The following ARMC3 variants were observed in gnomAD, a reference collection of about 807,000 sequenced individuals.
The protein encoded by ARMC3 is armadillo repeat-containing protein 3.
A neutral mutation model predicts 90.3 loss-of-function variants in ARMC3; 74 were observed. The ratio of observed to expected loss-of-function variants is 0.82; its 90% CI spans 0.68 to 0.99. The LOEUF is 0.99. Among genes scored for constraint, ARMC3 ranks in the 50% least tolerant of loss-of-function variants. The pLI, the probability that ARMC3 is intolerant of heterozygous loss-of-function variation, is 0.00. For synonymous variants in ARMC3, 334 were observed against 361.8 expected, an observed-to-expected ratio of 0.92 and a Z score of 0.87; for missense variants, 958 against 1,042.8, an observed-to-expected ratio of 0.92 and a Z score of 1.12.
At chr10:22,993,190 A>G (rs1836785807) in intron 10 of ARMC3, among the ~76,000 whole-genome samples, 1 of 152,226 alleles carries the variant, frequency 6.6e-6, no homozygotes, top group Non-Finnish European at 1.5e-5. Flanking sequence ...GTTGAATGTG[A>G]ACCTCAAATT....
intron 3 of ARMC3, among the ~76,000 whole-genome samples, chr10:22,950,715 C>A (rs1378658679): frequency 1.3e-5 from 2 of 151,988 alleles, no homozygotes; most frequent in Non-Finnish European, 2.9e-5. Flanking sequence ...CAAGAGTAAA[C>A]CACATGCCAC....
chr10:22,970,131 C>G (rs554755931), intron 8 of ARMC3, among the ~76,000 whole-genome samples: 39 of 152,264 alleles, frequency 2.6e-4, no homozygotes, highest in African/African-American at 8.7e-4. Flanking sequence ...GATGGAAACA[C>G]AGGATCACCC....
intron 16 of ARMC3, among the ~76,000 whole-genome samples, chr10:23,015,086 G>C (rs550204987): frequency 6.6e-6 from 1 of 152,160 alleles, no homozygotes; most frequent in Admixed American, 6.5e-5. Context: ...TTTTGAAAGG[G>C]AGAGGAGAGA....
At chr10:23,001,843 TAATG>T in intron 11 of ARMC3, 72 bp from the exon 12 acceptor site, 1 of 1,482,486 alleles carries the variant, frequency 6.7e-7, no homozygotes, top group Non-Finnish European at 9.1e-7. Context: ...AGCAATCAAA[TAATG>T]AGATTTTTTT....
At chr10:22,965,433 C>T (rs750324120) in intron 7 of ARMC3, among the ~76,000 whole-genome samples, 3 of 152,138 alleles carry the variant, frequency 2.0e-5, no homozygotes, top group Non-Finnish European at 4.4e-5. Flanking sequence ...TTTTCCTGTA[C>T]GTGATGTGTC....
chr10:23,014,267 G>A, intron 16 of ARMC3: 1 of 1,478,380 alleles, frequency 6.8e-7, no homozygotes, highest in Non-Finnish European at 9.0e-7. Context: ...TAAGAGGAGA[G>A]ATGGTGTCAG....
rs778673171 is a variant in ARMC3 at position 23,008,928 on chromosome 10, G to T, written c.2042G>T (p.Trp681Leu). 1 of 1,612,766 alleles carries T rather than the reference G, an allele frequency of 6.2e-7. No homozygotes were observed. The highest frequency in any genetic ancestry group is 2.2e-5 in the East Asian group (1 of 44,834). ...AAAAGCGCCACCAAAGAAAAAGGAT[G>T]GAGGTAAGAAAGTGTCCTGAGTTCC... ...LSKSATKEKGWRKSKGKKEEE... is the reference protein window; with the variant it reads ...LSKSATKEKGLRKSKGKKEEE... The change falls in exon 16 of 19, where the codon TGG becomes TTG. Residue 681 changes from tryptophan to leucine, a missense_variant. By Grantham distance (61) the Trp-to-Leu change is moderately conservative (BLOSUM62 -2). Coordinates refer to ENST00000298032, the MANE Select transcript of ARMC3 (RefSeq NM_173081.5).
intron 2 of ARMC3, among the ~76,000 whole-genome samples, chr10:22,936,221 C>A (rs1413190417): frequency 6.6e-6 from 1 of 152,112 alleles, no homozygotes; most frequent in African/African-American, 2.4e-5. Flanking sequence ...GTTTGGGAGG[C>A]TGAGGCGGGA....
At chr10:23,011,781 C>T (rs541614564) in intron 16 of ARMC3, among the ~76,000 whole-genome samples, 74 of 152,236 alleles carry the variant, frequency 4.9e-4, no homozygotes, top group Middle Eastern at 3.4e-3. Context: ...AGTTCAAAAG[C>T]CTGGCAGCAA....
intron 2 of ARMC3, among the ~76,000 whole-genome samples, chr10:22,934,773 C>A (rs1171137): frequency 6.6e-6 from 1 of 152,012 alleles, no homozygotes; most frequent in East Asian, 1.9e-4. Flanking sequence ...ATGCTTAGAA[C>A]AGTGCCTGGC....
chr10:23,021,436 A>C (rs952631827), intron 16 of ARMC3, among the ~76,000 whole-genome samples: 3 of 152,230 alleles, frequency 2.0e-5, no homozygotes, highest in African/African-American at 7.2e-5. Context: ...CCAACAGTGA[A>C]TGAACGTTCC....
chr10:22,953,606 C>T (rs576820792), intron 3 of ARMC3, among the ~76,000 whole-genome samples: 1 of 151,542 alleles, frequency 6.6e-6, no homozygotes, highest in Non-Finnish European at 1.5e-5. Context: ...ATGCTTTTCC[C>T]CTAAGATCAG....
chr10:22,984,262 TG>T (rs926506743), intron 10 of ARMC3, among the ~76,000 whole-genome samples: 1 of 152,242 alleles, frequency 6.6e-6, no homozygotes, highest in African/African-American at 2.4e-5. Flanking sequence ...GGGCATCTTC[TG>T]GAATTGGAGG....
At chr10:23,002,127 C>T in intron 12 of ARMC3, 72 bp downstream of exon 12, 2 of 1,532,524 alleles carry the variant, frequency 1.3e-6, no homozygotes, top group Non-Finnish European at 1.8e-6. Context: ...TCTTTAGGCC[C>T]AAGGAATTTC....
intron 10 of ARMC3, among the ~76,000 whole-genome samples, chr10:22,983,887 C>A (rs757627020): frequency 2.0e-5 from 3 of 152,148 alleles, no homozygotes; most frequent in African/African-American, 7.2e-5. Flanking sequence ...CTACTCAGAT[C>A]GTCTTTTAAA....
chr10:22,983,532 T>C (rs1333404899), intron 10 of ARMC3, among the ~76,000 whole-genome samples: 2 of 152,204 alleles, frequency 1.3e-5, no homozygotes. Flanking sequence ...TATTATATAC[T>C]GTCCATTCTG....
chr10:22,979,817 G>GA (rs1428234816), intron 8 of ARMC3, among the ~76,000 whole-genome samples: 2 of 152,132 alleles, frequency 1.3e-5, no homozygotes, highest in Non-Finnish European at 2.9e-5. Flanking sequence ...AATGGTAAAT[G>GA]AAAGGAACAA....
chr10:22,981,566 G>A (rs1401200522), intron 9 of ARMC3, 29 bp from the exon 10 acceptor site: 2 of 1,613,658 alleles, frequency 1.2e-6, no homozygotes, highest in South Asian at 2.2e-5. Flanking sequence ...CATTTTAAAA[G>A]TCACATTTTT....
intron 4 of ARMC3, among the ~76,000 whole-genome samples, chr10:22,958,024 T>G (rs1835021667): frequency 6.6e-6 from 1 of 152,132 alleles, no homozygotes; most frequent in Non-Finnish European, 1.5e-5. Context: ...ACCACACCAC[T>G]GCACCCCAGC....
Sources: allele counts gnomAD v4.1 joint callset (sites outside exome capture counted in the v4.1 genomes callset), GRCh38; gene constraint gnomAD v4.1.1; transcripts MANE v1.5; gene names NCBI Gene and HGNC (gene_info 2026-07-23, HGNC 2026-07-21).